Variants in ZSWIM5 observed in about 807,000 individuals in gnomAD.
ZSWIM5 encodes the protein zinc finger SWIM domain-containing protein 5.
Under a neutral mutation model 119.6 loss-of-function variants are expected in ZSWIM5, and 55 were observed. The ratio of observed to expected loss-of-function variants is 0.46; its 90% CI spans 0.37 to 0.58. The LOEUF is 0.58. Ranked by LOEUF, ZSWIM5 falls within the 20% of genes least tolerant of loss-of-function variation. The probability of loss-of-function intolerance (pLI) is 0.00; values close to 1 mark genes in which losing one functional copy is unlikely to be tolerated. For missense variants in ZSWIM5, 1,193 were observed against 1,512.8 expected (o/e 0.79, Z 3.51); for synonymous variants, 537 against 606.9 (o/e 0.88, Z 1.69).
chr1:45,071,311 T>C (rs1024498552), intron 2 of ZSWIM5, among the ~76,000 whole-genome samples: 14 of 152,086 alleles, frequency 9.2e-5, no homozygotes, highest in African/African-American at 3.4e-4. Flanking sequence ...TTCTACTCTA[T>C]CTCTATGAGC....
intron 5 of ZSWIM5, among the ~76,000 whole-genome samples, chr1:45,047,017 CAAAAA>C (rs35174853): frequency 2.2e-5 from 2 of 92,778 alleles, no homozygotes; most frequent in Non-Finnish European, 2.1e-5. Context: ...AACTCTGTCT[CAAAAA>C]AAAAAAAAAA....
chr1:45,094,514 G>A (rs1645387618), intron 1 of ZSWIM5, among the ~76,000 whole-genome samples: 1 of 151,878 alleles, frequency 6.6e-6, no homozygotes. Flanking sequence ...AGCCCAAGGT[G>A]GGAGGACTGC....
rs931566974 is a variant in ZSWIM5, at chr1:45,043,202, A to G, written c.1609+17T>C. 3.1e-6 allele frequency: 5 copies of G among 1,611,694 alleles called. No individual in the cohort carries two copies. The Admixed American group carries it at 5.0e-5, about 16-fold the overall frequency. On this transcript the variant is annotated intron_variant, in intron 6 of 13. Coordinates refer to ENST00000359600, the MANE Select transcript of ZSWIM5 (RefSeq NM_020883.2). ...GTGAGGGTGGCTCTAAAGTTCTTAGAGGAGGGCTAGACTTACCAAGCCACA... is the reference window on the plus strand; with the variant it reads ...GTGAGGGTGGCTCTAAAGTTCTTAGGGGAGGGCTAGACTTACCAAGCCACA...
intron 5 of ZSWIM5, among the ~76,000 whole-genome samples, chr1:45,049,144 A>T (rs1645074532): frequency 6.6e-6 from 1 of 152,142 alleles, no homozygotes; most frequent in African/African-American, 2.4e-5. Context: ...AAAAGAAATT[A>T]AAAAAAGAAT....
chr1:45,026,422 A>T (rs972396839), intron 11 of ZSWIM5, among the ~76,000 whole-genome samples: 10 of 150,044 alleles, frequency 6.7e-5, no homozygotes, highest in Non-Finnish European at 1.2e-4. Context: ...TTTTTTTTTA[A>T]ATTATGAATG....
rs1320275641 is a variant in ZSWIM5, at chr1:45,206,031, C to T, written c.320G>A (p.Arg107Gln). Reference protein sequence around the residue: ...IVYWSFPRNEREICMYSSFQY... With the variant: ...IVYWSFPRNEQEICMYSSFQY... ...GAAGCTGGAGTACATGCAGATCTCC[C>T]GCTCATTCCGCGGGAAGGACCAGTA... The change falls in exon 1 of 14, where the codon CGG becomes CAG. Residue 107 changes from arginine (R) to glutamine (Q), a missense_variant. Physicochemically the swap from Arg to Gln is conservative, Grantham distance 43 (BLOSUM62 1). Around this residue, in one of 2 missense-constraint regions of ZSWIM5, gnomAD observed 232 missense variants for 222.9 expected, o/e 1.04. Coordinates refer to ENST00000359600, the MANE Select transcript of ZSWIM5 (RefSeq NM_020883.2). 4 of 1,606,344 alleles carry T rather than the reference C, an allele frequency of 2.5e-6. No homozygotes were observed. The highest frequency in any genetic ancestry group is 1.7e-4 in the Middle Eastern group (1 of 6,016).
intron 1 of ZSWIM5, among the ~76,000 whole-genome samples, chr1:45,091,936 A>T (rs1226706430): frequency 2.1e-5 from 3 of 146,002 alleles, no homozygotes; most frequent in Non-Finnish European, 4.5e-5. Flanking sequence ...ACTATGTTAT[A>T]AAAAAAAAAA....
intron 11 of ZSWIM5, among the ~76,000 whole-genome samples, chr1:45,030,196 A>G (rs1644943571): frequency 6.6e-6 from 1 of 152,060 alleles, no homozygotes; most frequent in Non-Finnish European, 1.5e-5. Flanking sequence ...TTCCCACCTC[A>G]GCCTCCCAAA....
At chr1:45,105,718 C>G (rs148871183) in intron 1 of ZSWIM5, among the ~76,000 whole-genome samples, 1 of 134,338 alleles carries the variant, frequency 7.4e-6, no homozygotes, top group Non-Finnish European at 1.6e-5. Flanking sequence ...CTGCCCCCGT[C>G]GGGGAAGTGA....
chr1:45,102,004 C>G (rs60219606), intron 1 of ZSWIM5, among the ~76,000 whole-genome samples: 13 of 150,078 alleles, frequency 8.7e-5, no homozygotes, highest in Non-Finnish European at 1.9e-4. Flanking sequence ...CAAACCTGCA[C>G]ATTGTGCACA....
intron 11 of ZSWIM5, among the ~76,000 whole-genome samples, chr1:45,024,870 G>T (rs1298718314): frequency 6.6e-6 from 1 of 151,938 alleles, no homozygotes; most frequent in African/African-American, 2.4e-5. Context: ...GGCCAGGCTG[G>T]TCTTGAACTC....
chr1:45,058,063 T>C (rs187560033), intron 4 of ZSWIM5, among the ~76,000 whole-genome samples: 2 of 152,318 alleles, frequency 1.3e-5, no homozygotes, highest in African/African-American at 4.8e-5. Flanking sequence ...TCATTGGAAA[T>C]GGTCAGTGGA....
chr1:45,185,929 C>T (rs1026221940), intron 1 of ZSWIM5, among the ~76,000 whole-genome samples: 13 of 152,164 alleles, frequency 8.5e-5, no homozygotes, highest in African/African-American at 2.4e-4. Flanking sequence ...GTAAATCATG[C>T]TGCTATAAAG....
chr1:45,175,246 T>C (rs1003761188), intron 1 of ZSWIM5, among the ~76,000 whole-genome samples: 1 of 152,060 alleles, frequency 6.6e-6, no homozygotes, highest in Non-Finnish European at 1.5e-5. Flanking sequence ...AGTGGAGCCA[T>C]GTTCTTATTG....
At chr1:45,186,570 A>G (rs915268474) in intron 1 of ZSWIM5, among the ~76,000 whole-genome samples, 2 of 151,938 alleles carry the variant, frequency 1.3e-5, no homozygotes, top group African/African-American at 4.8e-5. Context: ...TCTAGATGGA[A>G]TACAGCTCTG....
At chr1:45,027,168 T>A (rs946861840) in intron 11 of ZSWIM5, among the ~76,000 whole-genome samples, 17 of 151,994 alleles carry the variant, frequency 1.1e-4, no homozygotes, top group Admixed American at 2.0e-4. Flanking sequence ...AGAACCGGTC[T>A]TGCTTTTATT....
At chr1:45,130,177 C>T (rs1359231769) in intron 1 of ZSWIM5, among the ~76,000 whole-genome samples, 7 of 152,300 alleles carry the variant, frequency 4.6e-5, no homozygotes, top group East Asian at 1.9e-4. Flanking sequence ...GGATTACAGG[C>T]GTGGGCCACC....
chr1:45,137,169 T>C (rs1645695049), intron 1 of ZSWIM5, among the ~76,000 whole-genome samples: 1 of 152,126 alleles, frequency 6.6e-6, no homozygotes, highest in African/African-American at 2.4e-5. Flanking sequence ...GGCCAAGTGA[T>C]CCTCCTGCCT....
chr1:45,109,941 T>G (rs1645506007), intron 1 of ZSWIM5, among the ~76,000 whole-genome samples: 1 of 152,090 alleles, frequency 6.6e-6, no homozygotes, highest in Non-Finnish European at 1.5e-5. Flanking sequence ...GACAGCTCAC[T>G]GCACTCTCAA....
Sources: gnomAD v4.1 joint callset for allele counts (sites outside exome capture counted in the v4.1 genomes callset) on GRCh38, gnomAD v4.1.1 for gene constraint, gnomAD v4.1.1 regional missense constraint, MANE v1.5 for transcripts, NCBI Gene and HGNC (gene_info 2026-07-23, HGNC 2026-07-21) for gene names.